SMC5: variants seen among roughly 807,000 people sequenced by gnomAD.
SMC5 encodes the protein structural maintenance of chromosomes protein 5.
Under a neutral mutation model 148.3 loss-of-function variants are expected in SMC5, and 88 were observed. The observed-to-expected ratio is 0.59, with a 90% confidence interval of 0.50 to 0.71. The LOEUF (loss-of-function observed/expected upper bound fraction) is 0.71. SMC5 is among the 30% of genes least tolerant of loss of function. The probability of loss-of-function intolerance (pLI) is 0.00; values close to 1 mark genes in which losing one functional copy is unlikely to be tolerated. For synonymous variants in SMC5, 421 were observed against 432.8 expected, an observed-to-expected ratio of 0.97 and a Z score of 0.34; for missense variants, 1,142 against 1,298.9, an observed-to-expected ratio of 0.88 and a Z score of 1.86.
In SMC5 at chr9:70,305,443, G is replaced by A. The variant is rs572536980; in HGVS notation, c.1578+83G>A. 77 of 790,888 alleles carry A rather than the reference G, an allele frequency of 9.7e-5. No individual in the cohort carries two copies. The South Asian group carries it at 1.2e-3, about 12-fold the overall frequency. The allele number at this position is 790,888 out of a possible 1,614,324, so 49.0% of individuals were successfully genotyped here. ...AGTTTTAAATTCACTAGAGCAAAAT[G>A]TGATAGCTAATTTTACCACCAGTTC... On this transcript the variant is annotated intron_variant, in intron 11 of 24. Coordinates refer to ENST00000361138, the MANE Select transcript of SMC5 (RefSeq NM_015110.4).
In SMC5 at chr9:70,352,829, A is replaced by G. The variant is rs2036834238; in HGVS notation, c.*498A>G. Reference sequence around the variant, plus strand: ...ATGACAGATCTAGTCATTTCTTCCTATTAAAAAAGATTACCTTATCTCCAG... The same window carrying G: ...ATGACAGATCTAGTCATTTCTTCCTGTTAAAAAAGATTACCTTATCTCCAG... On this transcript the variant is annotated 3_prime_UTR_variant, in exon 25 of 25. Coordinates refer to ENST00000361138, the MANE Select transcript of SMC5 (RefSeq NM_015110.4). The G allele has an allele frequency of 6.6e-6, 1 of 152,162 alleles. No homozygotes were observed. Among genetic ancestry groups the G allele is most frequent in the Non-Finnish European group, 1.5e-5 (1 of 68,044 alleles). The allele number at this position is 152,162 out of a possible 1,614,324, so 9.4% of individuals were successfully genotyped here. A position where few individuals can be genotyped will look rare whatever the true frequency, so the allele number is the denominator to read the frequency against.
At chr9:70,335,824 T>C (rs1478173203) in intron 17 of SMC5, among the ~76,000 whole-genome samples, 4 of 152,188 alleles carry the variant, frequency 2.6e-5, no homozygotes, top group African/African-American at 9.7e-5. Context: ...GGAAGAAAAC[T>C]GAAATGAGTT....
At chr9:70,343,822 A>T (rs2036587839) in intron 17 of SMC5, among the ~76,000 whole-genome samples, 1 of 152,140 alleles carries the variant, frequency 6.6e-6, no homozygotes, top group Non-Finnish European at 1.5e-5. Context: ...TTGTCTCAAA[A>T]AAATAAATAA....
Position 70,295,250 on chromosome 9 carries a change from G to T in SMC5, c.1054-2716G>T, listed in dbSNP as rs192752641. 8.4e-4 allele frequency among the ~76,000 whole-genome samples: 127 copies of T among 151,896 alleles called. 3 individuals are homozygous for T. In the East Asian group the frequency reaches 0.021, roughly 25 times the overall value. On this transcript the variant is annotated intron_variant, in intron 8 of 24. Coordinates refer to ENST00000361138, the MANE Select transcript of SMC5 (RefSeq NM_015110.4). Reference sequence around the variant, plus strand: ...GGAGGCCAAGGCGGGCGGATCACGAGGTCAGGAGATCGAGACCATCCTGGC... The same window carrying T: ...GGAGGCCAAGGCGGGCGGATCACGATGTCAGGAGATCGAGACCATCCTGGC...
chr9:70,312,148 A>G (rs13296646), intron 11 of SMC5: 4 of 122,842 alleles, frequency 3.3e-5, no homozygotes. Flanking sequence ...AAAAAAAAAA[A>G]CTTCCTGAGA....
intron 17 of SMC5, among the ~76,000 whole-genome samples, chr9:70,334,718 C>T (rs1160803006): frequency 6.6e-6 from 1 of 152,018 alleles, no homozygotes; most frequent in Non-Finnish European, 1.5e-5. Flanking sequence ...TTGCTGACCC[C>T]TGATGGATGC....
At chr9:70,287,973 A>G (rs1295349688) in intron 8 of SMC5, among the ~76,000 whole-genome samples, 3 of 152,064 alleles carry the variant, frequency 2.0e-5, no homozygotes, top group Non-Finnish European at 2.9e-5. Flanking sequence ...TATTTATTAA[A>G]CTTTCCATTT....
At chr9:70,343,517 T>G (rs992852528) in intron 17 of SMC5, among the ~76,000 whole-genome samples, 2 of 152,128 alleles carry the variant, frequency 1.3e-5, no homozygotes, top group African/African-American at 4.8e-5. Context: ...CAAATCTGAT[T>G]ATAATATAAT....
At chr9:70,325,003 G>A (rs1015942408) in intron 17 of SMC5, among the ~76,000 whole-genome samples, 2 of 152,038 alleles carry the variant, frequency 1.3e-5, no homozygotes, top group Non-Finnish European at 2.9e-5. Context: ...TTCAGTACTC[G>A]GGTTTCTTAT....
rs1052575992 is a variant in SMC5 at position 70,288,333 on chromosome 9, A to G, written c.1053+2062A>G. ...ATTTAATACTCTTGGATCAGTTTCA[A>G]TCATTTATATTTCTTCTCTTCCTAT... On this transcript the variant is annotated intron_variant, in intron 8 of 24. Transcript: ENST00000361138. Among the ~76,000 whole-genome samples, 6 of 152,068 alleles carry G rather than the reference A, an allele frequency of 3.9e-5. No individual in the cohort carries two copies. The South Asian group carries it at 1.0e-3, about 26-fold the overall frequency.
chr9:70,319,100 AAACAC>A, intron 15 of SMC5, 137 bp downstream of exon 15: 1 of 801,496 alleles, frequency 1.2e-6, no homozygotes, highest in Non-Finnish European at 1.8e-6. Context: ...TTACTGCATA[AAACAC>A]AATTTTATTC....
intron 17 of SMC5, among the ~76,000 whole-genome samples, chr9:70,331,226 T>G (rs1314428675): frequency 6.6e-6 from 1 of 152,204 alleles, no homozygotes; most frequent in Non-Finnish European, 1.5e-5. Flanking sequence ...CACATTTTAG[T>G]GCTTTATAGC....
At chr9:70,279,415 A>T (rs567692673) in intron 5 of SMC5, among the ~76,000 whole-genome samples, 192 of 152,212 alleles carry the variant, frequency 1.3e-3, no homozygotes, top group African/African-American at 4.4e-3. Flanking sequence ...CGCACTTGGG[A>T]TGCTAAGGTG....
At chr9:70,298,770 G>C (rs982609710) in intron 9 of SMC5, among the ~76,000 whole-genome samples, 6 of 151,506 alleles carry the variant, frequency 4.0e-5, no homozygotes, top group Non-Finnish European at 8.8e-5. Context: ...AAGGATAGAA[G>C]GGTGGCACAA....
intron 1 of SMC5, among the ~76,000 whole-genome samples, chr9:70,263,973 A>G (rs1426570786): frequency 6.6e-6 from 1 of 152,144 alleles, no homozygotes; most frequent in East Asian, 1.9e-4. Context: ...TCTCCTATAA[A>G]ATTTGTTTTA....
At chr9:70,300,290 T>A in intron 10 of SMC5, 90 bp downstream of exon 10, 1 of 1,187,042 alleles carries the variant, frequency 8.4e-7, no homozygotes, top group Admixed American at 3.0e-5. Context: ...AATATTACCC[T>A]GGTTTTACAT....
chr9:70,325,698 GA>G (rs1399715108), intron 17 of SMC5, among the ~76,000 whole-genome samples: 2 of 151,976 alleles, frequency 1.3e-5, no homozygotes, highest in South Asian at 2.1e-4. Flanking sequence ...ACATTTCTCT[GA>G]AAATGCAAGA....
At chr9:70,337,125 CGTG>C (rs1471777396) in intron 17 of SMC5, among the ~76,000 whole-genome samples, 1 of 152,140 alleles carries the variant, frequency 6.6e-6, no homozygotes, top group African/African-American at 2.4e-5. Context: ...TGCCACAACA[CGTG>C]GGAATTCAAG....
intron 1 of SMC5, 143 bp downstream of exon 1, chr9:70,259,406 A>G: frequency 1.2e-6 from 1 of 826,228 alleles, no homozygotes; most frequent in Non-Finnish European, 1.9e-6. Context: ...GGTTCCCTTG[A>G]GGATTTTCCT....
Sources: allele counts gnomAD v4.1 joint callset (sites outside exome capture counted in the v4.1 genomes callset), GRCh38; gene constraint gnomAD v4.1.1; transcripts MANE v1.5; gene names NCBI Gene and HGNC (gene_info 2026-07-23, HGNC 2026-07-21).